TCF12: variants seen among roughly 807,000 people sequenced by gnomAD.
TCF12 encodes transcription factor 12, also known as DNA-binding protein HTF4.
TCF12 carries 45 observed loss-of-function variants against 86.0 expected under a neutral mutation model. The ratio of observed to expected loss-of-function variants is 0.52; its 90% confidence interval spans 0.41 to 0.67. The LOEUF is 0.67. TCF12 is among the 30% of genes least tolerant of loss of function. The pLI is 0.00. For synonymous variants in TCF12, 330 were observed against 299.6 expected (o/e 1.10, Z -1.05); for missense variants, 881 against 859.9 (o/e 1.02, Z -0.31).
intron 6 of TCF12, among the ~76,000 whole-genome samples, chr15:57,184,451 C>T (rs1256202041): frequency 6.6e-6 from 1 of 152,138 alleles, no homozygotes; most frequent in Admixed American, 6.5e-5. Context: ...ATACACACAT[C>T]CCTCCTTCTG....
intron 8 of TCF12, among the ~76,000 whole-genome samples, chr15:57,228,372 G>T (rs1000627469): frequency 3.3e-5 from 5 of 151,952 alleles, no homozygotes; most frequent in African/African-American, 1.2e-4. Context: ...ACATTCTTAT[G>T]ATGAAAATTT....
At chr15:57,269,895 T>A (rs1220904572) in intron 18 of TCF12, among the ~76,000 whole-genome samples, 1 of 152,220 alleles carries the variant, frequency 6.6e-6, no homozygotes, top group Non-Finnish European at 1.5e-5. Flanking sequence ...CCGACTCTCT[T>A]CTGGCTTGTA....
intron 5 of TCF12, among the ~76,000 whole-genome samples, chr15:57,136,646 T>C (rs148675222): frequency 1.3e-5 from 2 of 152,302 alleles, no homozygotes. Context: ...GTATTTTAGG[T>C]TTGAAGATCC....
At chr15:57,254,001 A>ATT (rs879369726) in intron 16 of TCF12, among the ~76,000 whole-genome samples, 6,079 of 152,286 alleles carry the variant, frequency 0.04, 361 homozygotes, top group Admixed American at 0.17. Context: ...ATCTTTTAAA[A>ATT]AAGTATGATA....
At chr15:57,179,508 C>T (rs1418890406) in intron 6 of TCF12, among the ~76,000 whole-genome samples, 15 of 151,880 alleles carry the variant, frequency 9.9e-5, no homozygotes, top group South Asian at 4.2e-4. Context: ...CCATCCTGGG[C>T]GACACAGCAA....
chr15:57,127,585 G>A (rs1219209226), intron 5 of TCF12, among the ~76,000 whole-genome samples: 5 of 152,174 alleles, frequency 3.3e-5, no homozygotes, highest in African/African-American at 1.2e-4. Context: ...TCCTGTTACT[G>A]AGTTTGAGAA....
At chr15:56,999,692 G>T (rs1292367900) in intron 3 of TCF12, among the ~76,000 whole-genome samples, 4 of 151,978 alleles carry the variant, frequency 2.6e-5, no homozygotes, top group African/African-American at 7.3e-5. Context: ...TGGCCAATGT[G>T]GTGAGACCCC....
intron 3 of TCF12, among the ~76,000 whole-genome samples, chr15:56,962,201 C>G (rs1429312669): frequency 6.6e-6 from 1 of 151,336 alleles, no homozygotes; most frequent in Non-Finnish European, 1.5e-5. Flanking sequence ...AAAGCCACAG[C>G]TTCAGTAGTT....
Position 57,253,250 on chromosome 15 carries a change from T to A in TCF12, c.1261-12T>A, listed in dbSNP as rs755130628. On this transcript the variant is annotated splice_polypyrimidine_tract_variant and intron_variant, in intron 15 of 20. Coordinates refer to ENST00000333725, the MANE Select transcript of TCF12 (RefSeq NM_207037.2). ...AGCAATAACCACCATGTTTTTTTTT[T>A]AATCCATACAGCAGTCTCGAATGGA... The A allele has an allele frequency of 8.1e-6, 13 of 1,612,656 alleles. No homozygotes were observed. The highest frequency in any genetic ancestry group is 9.3e-6 in the Non-Finnish European group (11 of 1,179,096).
intron 18 of TCF12, among the ~76,000 whole-genome samples, chr15:57,269,137 C>CATT (rs1300856692): frequency 2.6e-5 from 4 of 151,994 alleles, no homozygotes; most frequent in Admixed American, 6.6e-5. Flanking sequence ...TAAAGTCTCC[C>CATT]ATTATTATTG....
In TCF12 at chr15:57,232,745, A is replaced by G. The variant is rs781188635; in HGVS notation, c.859A>G (p.Ile287Val). ...YPPHSVSPTD[I>V]NTSLPPMSSF... ...TCCACACTCAGTTTCACCAACAGACATAAACACGAGTCTTCCACCAATGTC... is the reference window on the plus strand; with the variant it reads ...TCCACACTCAGTTTCACCAACAGACGTAAACACGAGTCTTCCACCAATGTC... Residue 287 changes from isoleucine to valine, a missense_variant, in exon 11 of 21, where the codon ATA (isoleucine) becomes GTA (valine). Coordinates refer to ENST00000333725, the MANE Select transcript of TCF12 (RefSeq NM_207037.2). 6.2e-7 allele frequency: 1 copy of G among 1,612,254 alleles called. No homozygotes were observed. Among genetic ancestry groups the G allele is most frequent in the East Asian group, 2.2e-5 (1 of 44,702 alleles).
intron 3 of TCF12, among the ~76,000 whole-genome samples, chr15:56,922,985 A>G (rs1298826748): frequency 6.6e-6 from 1 of 152,028 alleles, no homozygotes; most frequent in African/African-American, 2.4e-5. Flanking sequence ...ATATTATGTA[A>G]TACACTCTAA....
chr15:57,073,993 G>T (rs2069649973), intron 4 of TCF12, among the ~76,000 whole-genome samples: 1 of 151,978 alleles, frequency 6.6e-6, no homozygotes, highest in Non-Finnish European at 1.5e-5. Context: ...CTCATGATCC[G>T]CCTGTCTCGT....
intron 4 of TCF12, among the ~76,000 whole-genome samples, chr15:57,088,496 GTT>G (rs5812864): frequency 0.2 from 28,869 of 146,614 alleles, 5,321 homozygotes; most frequent in African/African-American, 0.49. Context: ...AATTGCTTTA[GTT>G]TTTTTTTTTT....
chr15:56,972,246 CAG>C (rs1273559028), intron 3 of TCF12, among the ~76,000 whole-genome samples: 12 of 152,218 alleles, frequency 7.9e-5, no homozygotes, highest in African/African-American at 2.9e-4. Context: ...CAGCATCTAA[CAG>C]AACTGCATAT....
chr15:56,970,571 T>A (rs11858471), intron 3 of TCF12, among the ~76,000 whole-genome samples: 64,889 of 150,868 alleles, frequency 0.43, 15,354 homozygotes, highest in Non-Finnish European at 0.54. Flanking sequence ...AGAATGAAAC[T>A]ACAAATATAG....
chr15:56,942,905 G>T (rs547768185), intron 3 of TCF12, among the ~76,000 whole-genome samples: 231 of 152,266 alleles, frequency 1.5e-3, no homozygotes, highest in African/African-American at 5.4e-3. Context: ...GACATGGGAA[G>T]AAAGTGTCAA....
intron 12 of TCF12, among the ~76,000 whole-genome samples, chr15:57,240,321 G>T (rs2059558029): frequency 6.6e-6 from 1 of 152,196 alleles, no homozygotes; most frequent in Admixed American, 6.5e-5. Flanking sequence ...AAATGTAGAT[G>T]ATTAGAAATA....
intron 3 of TCF12, among the ~76,000 whole-genome samples, chr15:57,004,594 A>T (rs142435667): frequency 0.041 from 6,289 of 152,098 alleles, 367 homozygotes; most frequent in African/African-American, 0.13. Flanking sequence ...TATTTTTAGT[A>T]GAGACGGGGT....
Sources: allele counts gnomAD v4.1 joint callset (sites outside exome capture counted in the v4.1 genomes callset), GRCh38; gene constraint gnomAD v4.1.1; transcripts MANE v1.5; gene names NCBI Gene and HGNC (gene_info 2026-07-23, HGNC 2026-07-21).